The following TPRG1 variants were observed in gnomAD, a reference collection of about 807,000 sequenced individuals.
TPRG1 encodes tumor protein p63-regulated gene 1 protein.
TPRG1 carries 29 observed loss-of-function variants against 29.3 expected under a neutral mutation model. The observed-to-expected ratio is 0.99, with a 90% CI of 0.74 to 1.35. The LOEUF (loss-of-function observed/expected upper bound fraction) is 1.35, where lower values mean the gene tolerates loss of function less well. TPRG1 is among the 40% of genes most tolerant of loss of function. The probability of loss-of-function intolerance (pLI) is 0.00; values close to 1 mark genes in which losing one functional copy is unlikely to be tolerated. For synonymous variants in TPRG1, 130 were observed against 116.8 expected, an observed-to-expected ratio of 1.11 and a Z score of -0.73; for missense variants, 327 against 335.0, an observed-to-expected ratio of 0.98 and a Z score of 0.19.
chr3:189,116,544 C>T (rs990512437), intron 1 of TPRG1, among the ~76,000 whole-genome samples: 6 of 152,144 alleles, frequency 3.9e-5, no homozygotes, highest in Non-Finnish European at 8.8e-5. Context: ...TAGAAGTAAT[C>T]CAGTGTTCAT....
chr3:189,172,945 G>C (rs2108665751), intron 1 of TPRG1, among the ~76,000 whole-genome samples: 1 of 152,182 alleles, frequency 6.6e-6, no homozygotes, highest in East Asian at 1.9e-4. Context: ...GTCACACTGT[G>C]GTATGTAGAA....
chr3:189,294,524 C>T (rs1469308864), intron 4 of TPRG1, among the ~76,000 whole-genome samples: 2 of 152,060 alleles, frequency 1.3e-5, no homozygotes, highest in East Asian at 3.8e-4. Context: ...GGAGGCTTAC[C>T]TGTAAAAAAA....
intron 4 of TPRG1, among the ~76,000 whole-genome samples, chr3:189,301,003 T>C (rs913280004): frequency 6.6e-6 from 1 of 152,010 alleles, no homozygotes; most frequent in African/African-American, 2.4e-5. Flanking sequence ...TAATGGATGA[T>C]AAAATGTTTG....
chr3:189,119,139 G>A (rs1721531373), intron 1 of TPRG1, among the ~76,000 whole-genome samples: 1 of 152,344 alleles, frequency 6.6e-6, no homozygotes, highest in South Asian at 2.1e-4. Context: ...GTATCAGTGT[G>A]ACGTGGATGT....
intron 1 of TPRG1, among the ~76,000 whole-genome samples, chr3:189,203,416 A>C (rs1733808808): frequency 6.6e-6 from 1 of 152,116 alleles, no homozygotes; most frequent in South Asian, 2.1e-4. Flanking sequence ...ACAATCCACT[A>C]CTTCAATAAA....
At chr3:189,276,428 A>G (rs1716154920) in intron 4 of TPRG1, among the ~76,000 whole-genome samples, 1 of 152,176 alleles carries the variant, frequency 6.6e-6, no homozygotes, top group Non-Finnish European at 1.5e-5. Context: ...TTTCAAAGGA[A>G]TTGTGTGAAA....
chr3:189,277,551 T>TC (rs1231185914), intron 4 of TPRG1, among the ~76,000 whole-genome samples: 1 of 150,006 alleles, frequency 6.7e-6, no homozygotes, highest in Non-Finnish European at 1.5e-5. Flanking sequence ...TCAAAATGTG[T>TC]CACTCATCAG....
chr3:189,098,507 A>G (rs1268198610), upstream of TPRG1, among the ~76,000 whole-genome samples: 1 of 152,154 alleles, frequency 6.6e-6, no homozygotes, highest in Non-Finnish European at 1.5e-5. Context: ...GGGGGCAGAC[A>G]AGAACGTCCA....
chr3:189,177,842 A>G (rs1729700002), intron 1 of TPRG1, among the ~76,000 whole-genome samples: 1 of 152,182 alleles, frequency 6.6e-6, no homozygotes, highest in Non-Finnish European at 1.5e-5. Context: ...CAACACGTTA[A>G]AACAGAATAT....
At chr3:189,181,678 A>T (rs550482932) in intron 1 of TPRG1, among the ~76,000 whole-genome samples, 1 of 152,288 alleles carries the variant, frequency 6.6e-6, no homozygotes, top group East Asian at 1.9e-4. Context: ...AGAAGTCTCA[A>T]ACTTTCCCAT....
At chr3:189,007,923 G>A (rs1712382859) in intron 3 of TPRG1, among the ~76,000 whole-genome samples, 1 of 143,862 alleles carries the variant, frequency 7.0e-6, no homozygotes, top group Non-Finnish European at 1.5e-5. Flanking sequence ...GGGAGGGATA[G>A]CATTGGGAGA....
At chr3:189,021,296 C>T (rs1713291723) in intron 3 of TPRG1, among the ~76,000 whole-genome samples, 1 of 150,834 alleles carries the variant, frequency 6.6e-6, no homozygotes, top group Non-Finnish European at 1.5e-5. Context: ...GGTTATTTTG[C>T]TCGTTAGTTG....
chr3:189,109,336 G>A (rs144081668), intron 1 of TPRG1, among the ~76,000 whole-genome samples: 8 of 152,330 alleles, frequency 5.3e-5, no homozygotes, highest in Middle Eastern at 3.4e-3. Flanking sequence ...CAGTAGCCTT[G>A]TAAGAGTGAC....
chr3:189,157,357 C>A (rs745309628), intron 5 of TPRG1, among the ~76,000 whole-genome samples: 15 of 152,262 alleles, frequency 9.9e-5, no homozygotes, highest in Non-Finnish European at 1.5e-4. Context: ...AGTTAAGAGG[C>A]CTTACTTCTA....
rs73889163 is a variant in TPRG1 at position 189,276,489 on chromosome 3, T to C, written c.480-33897T>C. ...GCAGAATAGGCAACTTCCCATAAAATTGAGTTGTGAGCAAAAATTCTTGGG... is the reference window on the plus strand; with the variant it reads ...GCAGAATAGGCAACTTCCCATAAAACTGAGTTGTGAGCAAAAATTCTTGGG... On this transcript the variant is annotated intron_variant, in intron 4 of 5. Transcript: ENST00000345063. 8.0e-3 allele frequency among the ~76,000 whole-genome samples: 1,224 copies of C among 152,278 alleles called. 15 individuals are homozygous for C. Among genetic ancestry groups the C allele is most frequent in the African/African-American group, 0.028 (1,147 of 41,544 alleles).
At chr3:189,216,613 A>T (rs539884642) in intron 3 of TPRG1, among the ~76,000 whole-genome samples, 3 of 152,324 alleles carry the variant, frequency 2.0e-5, no homozygotes, top group South Asian at 4.1e-4. Context: ...TGCCTAGCAC[A>T]TGGACCTTCA....
intron 4 of TPRG1, among the ~76,000 whole-genome samples, chr3:189,030,506 C>T (rs894676157): frequency 6.6e-6 from 1 of 152,052 alleles, no homozygotes; most frequent in Admixed American, 6.6e-5. Context: ...AACCATTATT[C>T]CCAATTAAAT....
chr3:189,251,137 TCTTC>T (rs751764227), intron 4 of TPRG1, among the ~76,000 whole-genome samples: 1 of 152,060 alleles, frequency 6.6e-6, no homozygotes, highest in Non-Finnish European at 1.5e-5. Flanking sequence ...TCCTTTCTCT[TCTTC>T]CTTCCTCTCC....
At chr3:189,210,423 G>T (rs1380726169) in intron 2 of TPRG1, among the ~76,000 whole-genome samples, 1 of 152,112 alleles carries the variant, frequency 6.6e-6, no homozygotes, top group Non-Finnish European at 1.5e-5. Context: ...GACGTGTAGG[G>T]TCTGTAGCAG....
Sources: gnomAD v4.1 joint callset for allele counts (sites outside exome capture counted in the v4.1 genomes callset) on GRCh38, gnomAD v4.1.1 for gene constraint, MANE v1.5 for transcripts, NCBI Gene and HGNC (gene_info 2026-07-23, HGNC 2026-07-21) for gene names.